Variants in CCBE1 observed in about 807,000 individuals in gnomAD.
CCBE1 encodes the protein collagen and calcium-binding EGF domain-containing protein 1.
A neutral mutation model predicts 50.0 loss-of-function variants in CCBE1; 37 were observed. The ratio of observed to expected loss-of-function variants is 0.74; its 90% CI spans 0.57 to 0.97. The LOEUF (loss-of-function observed/expected upper bound fraction) is 0.97. Among genes scored for constraint, CCBE1 ranks in the 50% least tolerant of loss-of-function variants. The probability of loss-of-function intolerance (pLI) is 0.00; values close to 1 mark genes in which losing one functional copy is unlikely to be tolerated. For missense variants in CCBE1, 538 were observed against 523.8 expected (o/e 1.03, Z -0.26); for synonymous variants, 234 against 203.7 (o/e 1.15, Z -1.27).
At chr18:59,682,927 C>A (rs73961294) in intron 2 of CCBE1, among the ~76,000 whole-genome samples, 1 of 152,154 alleles carries the variant, frequency 6.6e-6, no homozygotes, top group Non-Finnish European at 1.5e-5. Context: ...CTTCTTGTGC[C>A]CCCCCTTCCC....
chr18:59,486,148 A>C (rs1226127589), intron 2 of CCBE1, among the ~76,000 whole-genome samples: 4 of 152,308 alleles, frequency 2.6e-5, no homozygotes, highest in African/African-American at 9.6e-5. Context: ...AAACATGAAT[A>C]AATAGTATCT....
chr18:59,454,201 G>A (rs934282152), intron 6 of CCBE1, among the ~76,000 whole-genome samples: 3 of 152,104 alleles, frequency 2.0e-5, no homozygotes, highest in African/African-American at 7.2e-5. Context: ...TATTCCCTAA[G>A]GCACATAGAT....
rs543215941 is a variant in CCBE1 at position 59,500,147 on chromosome 18, A to T, written c.213-19909T>A. ...TCTTAGGCCACCCGCAGGTCCAGAG[A>T]TATCCCACTGGTGCTGGCCAGAGCA... On this transcript the variant is annotated intron_variant, in intron 2 of 10. Coordinates refer to ENST00000439986, the MANE Select transcript of CCBE1 (RefSeq NM_133459.4). Among the ~76,000 whole-genome samples the T allele has an allele frequency of 3.9e-4, 60 of 152,270 alleles. No individual in the cohort carries two copies. The South Asian group carries it at 0.012, about 31-fold the overall frequency.
At chr18:59,443,945 A>G (rs770486954) in intron 7 of CCBE1, among the ~76,000 whole-genome samples, 1 of 152,160 alleles carries the variant, frequency 6.6e-6, no homozygotes, top group Non-Finnish European at 1.5e-5. Flanking sequence ...TTCTGTTTCT[A>G]TGAGTTTAAT....
At chr18:59,611,617 G>A (rs1292670426) in intron 2 of CCBE1, among the ~76,000 whole-genome samples, 2 of 152,150 alleles carry the variant, frequency 1.3e-5, no homozygotes, top group African/African-American at 4.8e-5. Context: ...ATGGTGGCAT[G>A]TGCCTGTAAT....
intron 2 of CCBE1, among the ~76,000 whole-genome samples, chr18:59,645,580 A>T (rs1329795935): frequency 3.3e-5 from 5 of 152,192 alleles, no homozygotes; most frequent in African/African-American, 1.2e-4. Flanking sequence ...CTACATTAAG[A>T]TGTTCAAATG....
intron 4 of CCBE1, 72 bp from the exon 5 acceptor site, chr18:59,466,963 C>A: frequency 7.4e-7 from 1 of 1,343,664 alleles, no homozygotes; most frequent in Non-Finnish European, 1.1e-6. Flanking sequence ...TGACATTGGG[C>A]TTTGCCTCTC....
intron 2 of CCBE1, among the ~76,000 whole-genome samples, chr18:59,513,096 T>G (rs976630341): frequency 1.3e-5 from 2 of 152,032 alleles, no homozygotes; most frequent in East Asian, 1.9e-4. Context: ...TCACTTGAGG[T>G]CAGGAGCTCG....
intron 2 of CCBE1, among the ~76,000 whole-genome samples, chr18:59,534,537 G>T (rs1357056644): frequency 6.6e-6 from 1 of 152,194 alleles, no homozygotes; most frequent in Non-Finnish European, 1.5e-5. Context: ...CTACTTTTGG[G>T]TACATTGCTT....
chr18:59,688,077 C>T (rs1408326567), intron 2 of CCBE1: 1 of 152,146 alleles, frequency 6.6e-6, no homozygotes, highest in Non-Finnish European at 1.5e-5. Context: ...TTCCGAATAC[C>T]TTCAATGAAA....
chr18:59,652,917 A>C (rs1471016624), intron 2 of CCBE1, among the ~76,000 whole-genome samples: 1 of 151,828 alleles, frequency 6.6e-6, no homozygotes, highest in Non-Finnish European at 1.5e-5. Flanking sequence ...TGAACCGAGA[A>C]CGCACCACTG....
chr18:59,679,429 G>A (rs914871590), intron 2 of CCBE1, among the ~76,000 whole-genome samples: 1 of 152,172 alleles, frequency 6.6e-6, no homozygotes, highest in African/African-American at 2.4e-5. Flanking sequence ...ACATTTTAGA[G>A]ATGAATGCTG....
intron 2 of CCBE1, among the ~76,000 whole-genome samples, chr18:59,547,088 A>AGAGGGAGGCAGG (rs1568199291): frequency 8.6e-6 from 1 of 116,446 alleles, no homozygotes. Context: ...AGAAAGGGAG[A>AGAGGGAGGCAGG]GAGAGGGAGG....
chr18:59,563,439 T>C (rs2052772275), intron 2 of CCBE1, among the ~76,000 whole-genome samples: 1 of 152,218 alleles, frequency 6.6e-6, no homozygotes, highest in African/African-American at 2.4e-5. Context: ...AAAATTGAAG[T>C]AAAAATTCAG....
At chr18:59,471,799 T>C (rs1405557350) in intron 3 of CCBE1, among the ~76,000 whole-genome samples, 1 of 152,228 alleles carries the variant, frequency 6.6e-6, no homozygotes, top group African/African-American at 2.4e-5. Context: ...TATCTGCCTT[T>C]TTCTGGTTTG....
At chr18:59,545,130 G>C (rs556920757) in intron 2 of CCBE1, among the ~76,000 whole-genome samples, 1 of 152,278 alleles carries the variant, frequency 6.6e-6, no homozygotes, top group East Asian at 1.9e-4. Flanking sequence ...TAAAGAGAAA[G>C]GTTCCATGAG....
At chr18:59,621,428 TC>T (rs1469192947) in intron 2 of CCBE1, among the ~76,000 whole-genome samples, 2 of 152,180 alleles carry the variant, frequency 1.3e-5, no homozygotes, top group Non-Finnish European at 2.9e-5. Flanking sequence ...TATCCTCACA[TC>T]CACCCAGTGG....
intron 2 of CCBE1, among the ~76,000 whole-genome samples, chr18:59,508,016 G>A (rs1913959229): frequency 6.6e-6 from 1 of 151,364 alleles, no homozygotes; most frequent in African/African-American, 2.4e-5. Flanking sequence ...TCAGCCTCTT[G>A]AGTAGCTGGG....
chr18:59,511,342 T>G (rs1423328930), intron 2 of CCBE1, among the ~76,000 whole-genome samples: 1 of 152,210 alleles, frequency 6.6e-6, no homozygotes, highest in Non-Finnish European at 1.5e-5. Context: ...TATGTTCTAG[T>G]TCTAGAGAAC....
Sources: allele counts gnomAD v4.1 joint callset (sites outside exome capture counted in the v4.1 genomes callset), GRCh38; gene constraint gnomAD v4.1.1; transcripts MANE v1.5; gene names NCBI Gene and HGNC (gene_info 2026-07-23, HGNC 2026-07-21).